The following AGBL1 variants were observed in gnomAD, a reference collection of about 807,000 sequenced individuals.
The protein encoded by AGBL1 is cytosolic carboxypeptidase 4.
Under a neutral mutation model 118.9 loss-of-function variants are expected in AGBL1, and 130 were observed. The ratio of observed to expected loss-of-function variants is 1.09; its 90% CI spans 0.95 to 1.26. AGBL1 has a LOEUF of 1.26. Among genes scored for constraint, AGBL1 ranks in the 50% most tolerant of loss-of-function variants. The probability of loss-of-function intolerance (pLI) is 0.00; values close to 1 mark genes in which losing one functional copy is unlikely to be tolerated. For synonymous variants in AGBL1, 555 were observed against 478.9 expected (o/e 1.16, Z -2.08); for missense variants, 1,584 against 1,298.1 (o/e 1.22, Z -3.38).
At chr15:86,411,953 G>T (rs768582834) in intron 18 of AGBL1, among the ~76,000 whole-genome samples, 11 of 152,118 alleles carry the variant, frequency 7.2e-5, no homozygotes, top group Non-Finnish European at 1.3e-4. Context: ...ATTAGGGATT[G>T]GTTGTTATTG....
At chr15:86,190,279 T>A (rs190590863) in intron 5 of AGBL1, among the ~76,000 whole-genome samples, 6 of 152,234 alleles carry the variant, frequency 3.9e-5, no homozygotes, top group African/African-American at 1.4e-4. Flanking sequence ...AAAAAATTGA[T>A]ACAATTATCA....
At chr15:86,559,665 A>T (rs1319927408) in intron 21 of AGBL1, among the ~76,000 whole-genome samples, 1 of 152,208 alleles carries the variant, frequency 6.6e-6, no homozygotes, top group African/African-American at 2.4e-5. Flanking sequence ...ACAAAGCACT[A>T]CAAAATCAGT....
In AGBL1 at chr15:86,912,248, A is replaced by G. The variant is rs55989748; in HGVS notation, c.*4954A>G. On this transcript the variant is annotated 3_prime_UTR_variant, in exon 23 of 23. Coordinates refer to ENST00000614907, the MANE Select transcript of AGBL1 (RefSeq NM_001386094.1). ...TTGCCATGGAAGAGTTCCCAGTGCG[A>G]GGCGAGCTTAACAAGGGGCAGGGTG... The G allele has an allele frequency of 0.031, 4,737 of 152,246 alleles. 93 individuals are homozygous for G. The highest frequency in any genetic ancestry group is 0.052 in the Non-Finnish European group (3,555 of 68,026). 9.4% of individuals were successfully genotyped at this position (152,246 alleles called of 1,614,324 possible). A position where few individuals can be genotyped will look rare whatever the true frequency, so the allele number is the denominator to read the frequency against.
chr15:86,743,711 T>A (rs1341161334), intron 22 of AGBL1, among the ~76,000 whole-genome samples: 1 of 152,158 alleles, frequency 6.6e-6, no homozygotes, highest in Non-Finnish European at 1.5e-5. Flanking sequence ...GGGATTCTGA[T>A]GCGGATGATC....
chr15:86,727,358 G>T (rs1237407787), intron 22 of AGBL1, among the ~76,000 whole-genome samples: 1 of 152,150 alleles, frequency 6.6e-6, no homozygotes, highest in Non-Finnish European at 1.5e-5. Context: ...TCACACATGG[G>T]CTGGCAACGA....
chr15:86,152,867 C>A (rs577177767), intron 3 of AGBL1, among the ~76,000 whole-genome samples: 1 of 152,186 alleles, frequency 6.6e-6, no homozygotes, highest in Admixed American at 6.5e-5. Flanking sequence ...ACAGACATTT[C>A]TTAAAAGAAG....
intron 18 of AGBL1, among the ~76,000 whole-genome samples, chr15:86,444,659 A>C (rs2082100618): frequency 6.6e-6 from 1 of 152,118 alleles, no homozygotes; most frequent in Non-Finnish European, 1.5e-5. Context: ...CAGCAAGAAA[A>C]CCAGCAGAAA....
intron 18 of AGBL1, among the ~76,000 whole-genome samples, chr15:86,431,704 T>A (rs1432619374): frequency 6.6e-6 from 1 of 152,218 alleles, no homozygotes; most frequent in East Asian, 1.9e-4. Flanking sequence ...ATGTTAATGC[T>A]TACTGAATAC....
intron 22 of AGBL1, among the ~76,000 whole-genome samples, chr15:86,873,416 T>A (rs138147540): frequency 6.6e-6 from 1 of 152,190 alleles, no homozygotes; most frequent in Non-Finnish European, 1.5e-5. Context: ...CTTTCAAAGA[T>A]GTTTGAAAAA....
chr15:86,457,759 A>G (rs181334462), intron 18 of AGBL1, among the ~76,000 whole-genome samples: 5 of 152,332 alleles, frequency 3.3e-5, no homozygotes, highest in African/African-American at 1.2e-4. Flanking sequence ...TATATGAATT[A>G]TCCACTTTGA....
chr15:86,274,546 C>G (rs1331537557), intron 15 of AGBL1, among the ~76,000 whole-genome samples: 1 of 152,100 alleles, frequency 6.6e-6, no homozygotes. Flanking sequence ...AATACCTTGC[C>G]GGAAGCTAAA....
intron 22 of AGBL1, among the ~76,000 whole-genome samples, chr15:86,811,617 A>G (rs1262897972): frequency 1.1e-4 from 16 of 152,156 alleles, no homozygotes; most frequent in Admixed American, 9.8e-4. Flanking sequence ...TGATACTTCT[A>G]TCAATCAGCA....
chr15:86,159,279 G>A (rs543306237), intron 5 of AGBL1, among the ~76,000 whole-genome samples: 2 of 152,010 alleles, frequency 1.3e-5, no homozygotes, highest in Admixed American at 6.6e-5. Flanking sequence ...AAAATATGTC[G>A]AGAGCCTTAT....
chr15:86,981,608 T>C (rs999271033), intron 23 of AGBL1, among the ~76,000 whole-genome samples: 1 of 152,230 alleles, frequency 6.6e-6, no homozygotes, highest in East Asian at 1.9e-4. Context: ...ATTTTGATTG[T>C]TTTTCGTCAC....
Position 86,251,462 on chromosome 15 carries a change from A to C in AGBL1, c.735+3583A>C, listed in dbSNP as rs145138805. On this transcript the variant is annotated intron_variant, in intron 7 of 22. Transcript: ENST00000614907. Reference sequence around the variant, plus strand: ...GCTGATACTACTGATTTAGGATCACACTTGGAAAACCAATGTCCTAAATTA... The same window carrying C: ...GCTGATACTACTGATTTAGGATCACCCTTGGAAAACCAATGTCCTAAATTA... Among the ~76,000 whole-genome samples the C allele has an allele frequency of 4.1e-3, 621 of 152,332 alleles. 6 individuals carry two copies. Among genetic ancestry groups the C allele is most frequent in the African/African-American group, 0.014 (576 of 41,576 alleles).
intron 9 of AGBL1, 148 bp downstream of exon 9, chr15:86,258,179 G>C: frequency 4.1e-6 from 3 of 729,134 alleles, no homozygotes. Context: ...CGCAGTAAAT[G>C]ATAGCTACTG....
At chr15:86,791,880 G>T (rs2141331608) in intron 22 of AGBL1, among the ~76,000 whole-genome samples, 1 of 152,054 alleles carries the variant, frequency 6.6e-6, no homozygotes, top group East Asian at 1.9e-4. Context: ...GGGATTAAAG[G>T]TGTGTGCCAC....
chr15:86,332,367 C>A (rs995322352), intron 17 of AGBL1, among the ~76,000 whole-genome samples: 1 of 152,116 alleles, frequency 6.6e-6, no homozygotes, highest in African/African-American at 2.4e-5. Flanking sequence ...AAACTCCGGG[C>A]CAGGCGCAGT....
chr15:86,444,030 A>G (rs1270735100), intron 18 of AGBL1, among the ~76,000 whole-genome samples: 1 of 152,180 alleles, frequency 6.6e-6, no homozygotes, highest in African/African-American at 2.4e-5. Flanking sequence ...GAATATCAGT[A>G]CTGTTTTCCA....
Sources: gnomAD v4.1 joint callset for allele counts (sites outside exome capture counted in the v4.1 genomes callset) on GRCh38, gnomAD v4.1.1 for gene constraint, MANE v1.5 for transcripts, NCBI Gene and HGNC (gene_info 2026-07-23, HGNC 2026-07-21) for gene names.